BICD2: variants seen among roughly 807,000 people sequenced by gnomAD.
BICD2 encodes the protein BICD cargo adaptor 2.
A neutral mutation model predicts 72.9 loss-of-function variants in BICD2; 25 were observed. The ratio of observed to expected loss-of-function variants is 0.34; its 90% CI spans 0.25 to 0.48. BICD2 has a LOEUF of 0.48. Ranked by LOEUF, BICD2 falls within the 20% of genes least tolerant of loss-of-function variation. The pLI is 0.99. For missense variants in BICD2, 894 were observed against 1,175.2 expected (o/e 0.76, Z 3.50); for synonymous variants, 501 against 516.1 (o/e 0.97, Z 0.40).
At chr9:92,719,719 T>A in intron 4 of BICD2, 137 bp from the exon 5 acceptor site, 1 of 848,840 alleles carries the variant, frequency 1.2e-6, no homozygotes, top group Non-Finnish European at 1.8e-6. Flanking sequence ...GGCCATGCTG[T>A]CAGTGAGGTG....
Position 92,718,126 on chromosome 9 carries a change from G to A in BICD2, c.2107-178C>T, listed in dbSNP as rs117206493. 1.0e-3 allele frequency among the ~76,000 whole-genome samples: 156 copies of A among 152,308 alleles called. 1 individual carries two copies. Among genetic ancestry groups the A allele is most frequent in the Middle Eastern group, 0.01 (3 of 294 alleles). On this transcript the variant is annotated intron_variant, in intron 5 of 6. Transcript: ENST00000356884. The stretch of plus-strand genomic sequence containing the variant: ...TGGACTCCAGCAGCTACGCCATGGG[G>A]AGTCCCACCTGCTGATTCTGACTGG...
At chr9:92,748,937 A>G (rs906105853) in intron 1 of BICD2, among the ~76,000 whole-genome samples, 1 of 151,840 alleles carries the variant, frequency 6.6e-6, no homozygotes, top group Non-Finnish European at 1.5e-5. Context: ...TCCAAAATCC[A>G]TTTTTCTTCT....
At chr9:92,728,677 A>G (rs1853616757) in intron 2 of BICD2, among the ~76,000 whole-genome samples, 1 of 152,222 alleles carries the variant, frequency 6.6e-6, no homozygotes, top group Non-Finnish European at 1.5e-5. Context: ...TCCAATGACG[A>G]GGAGTGCCCC....
chr9:92,747,562 G>C (rs1854040519), intron 1 of BICD2, among the ~76,000 whole-genome samples: 1 of 152,174 alleles, frequency 6.6e-6, no homozygotes, highest in Admixed American at 6.5e-5. Flanking sequence ...TCCAGCAGCT[G>C]TCCCAGGACA....
intron 1 of BICD2, among the ~76,000 whole-genome samples, chr9:92,756,428 A>AT (rs1359510299): frequency 6.6e-6 from 1 of 151,602 alleles, no homozygotes; most frequent in Admixed American, 6.6e-5. Context: ...AGCCCGGCTA[A>AT]TTTTTTGTAT....
At chr9:92,751,143 G>GT (rs1854141395) in intron 1 of BICD2, among the ~76,000 whole-genome samples, 1 of 131,782 alleles carries the variant, frequency 7.6e-6, no homozygotes, top group Admixed American at 7.5e-5. Flanking sequence ...TTTTGTTGTT[G>GT]TTGTTGTTGT....
rs532455136 is a variant in BICD2, at chr9:92,713,561, G to A, written c.*1593C>T. ...CCACGTGCTGGGAGGGCGCGAGCAC[G>A]TTAGTTGGCAGAAGAGAAGACCTGC... On this transcript the variant is annotated 3_prime_UTR_variant, in exon 7 of 7. Coordinates refer to ENST00000356884, the MANE Select transcript of BICD2 (RefSeq NM_001003800.2). The A allele has an allele frequency of 2.6e-4, 404 of 1,546,288 alleles. 4 individuals are homozygous for A. In the South Asian group the frequency reaches 3.4e-3, roughly 13 times the overall value.
intron 1 of BICD2, among the ~76,000 whole-genome samples, chr9:92,755,732 C>T (rs1854240861): frequency 6.6e-6 from 1 of 152,202 alleles, no homozygotes; most frequent in African/African-American, 2.4e-5. Context: ...CCTTACACCC[C>T]AGCATGTTGT....
At position 92,748,938 on chromosome 9, in the gene BICD2, T is replaced by C. The variant is rs536253561; in HGVS notation, c.240+15567A>G. 1.2e-4 allele frequency among the ~76,000 whole-genome samples: 19 copies of C among 152,122 alleles called. No individual in the cohort carries two copies. In the South Asian group the frequency reaches 3.5e-3, roughly 28 times the overall value. ...ATAAGGCTTCTCACTCCAAAATCCA[T>C]TTTTCTTCTTTGCAGCAGGGTGGTT... On this transcript the variant is annotated intron_variant, in intron 1 of 6. Coordinates refer to ENST00000356884, the MANE Select transcript of BICD2 (RefSeq NM_001003800.2).
intron 1 of BICD2, among the ~76,000 whole-genome samples, chr9:92,734,948 C>T (rs1439073246): frequency 1.3e-5 from 2 of 152,212 alleles, no homozygotes; most frequent in Non-Finnish European, 2.9e-5. Flanking sequence ...AAGTTCCTAC[C>T]CTCCTGGCCC....
At chr9:92,747,956 C>A (rs2131527721) in intron 1 of BICD2, among the ~76,000 whole-genome samples, 1 of 152,286 alleles carries the variant, frequency 6.6e-6, no homozygotes, top group African/African-American at 2.4e-5. Flanking sequence ...AAGGGCATAG[C>A]CAGATGCTGG....
chr9:92,747,206 G>C (rs991583502), intron 1 of BICD2, among the ~76,000 whole-genome samples: 6 of 152,148 alleles, frequency 3.9e-5, no homozygotes, highest in Non-Finnish European at 8.8e-5. Context: ...ATGTCACCGG[G>C]GGCCAAGAGG....
At chr9:92,750,764 T>C (rs1854130028) in intron 1 of BICD2, among the ~76,000 whole-genome samples, 1 of 152,198 alleles carries the variant, frequency 6.6e-6, no homozygotes, top group African/African-American at 2.4e-5. Context: ...TATTAGTATG[T>C]GAATTGTTTT....
intron 1 of BICD2, among the ~76,000 whole-genome samples, chr9:92,734,317 T>A (rs904477025): frequency 1.4e-4 from 22 of 151,908 alleles, no homozygotes; most frequent in African/African-American, 5.3e-4. Flanking sequence ...TTCGAGACCA[T>A]CCTGGCCAAC....
At chr9:92,728,407 A>T (rs533058279) in intron 2 of BICD2, among the ~76,000 whole-genome samples, 2 of 152,280 alleles carry the variant, frequency 1.3e-5, no homozygotes, top group Middle Eastern at 3.4e-3. Flanking sequence ...CCATGTACCA[A>T]TGGCTGTCCA....
Position 92,730,658 on chromosome 9 carries a change from TTGTG to T in BICD2, c.241-1426_241-1423del, listed in dbSNP as rs200208860. Among the ~76,000 whole-genome samples the T allele has an allele frequency of 6.6e-5, 10 of 152,202 alleles. No individual in the cohort carries two copies. In the South Asian group the frequency reaches 1.5e-3, roughly 22 times the overall value. On this transcript the variant is annotated intron_variant, in intron 1 of 6. Transcript: ENST00000356884. ...GGTGACATGTGCTGTGATGTATGTGTTGTGTGTGTGTGTCTCGTGGTGTTGCGGG... is the reference window on the plus strand; with the variant it reads ...GGTGACATGTGCTGTGATGTATGTGTTGTGTGTGTCTCGTGGTGTTGCGGG...
intron 1 of BICD2, among the ~76,000 whole-genome samples, chr9:92,737,114 A>G (rs552681262): frequency 2.0e-4 from 31 of 152,072 alleles, no homozygotes; most frequent in African/African-American, 7.2e-4. Flanking sequence ...CCCTGCTAGC[A>G]CCTCTGAAAT....
rs2131500960 is a variant in BICD2, at chr9:92,719,321, C to A, written c.1324G>T (p.Ala442Ser). Residue 442 changes from alanine (A) to serine (S), a missense_variant, in exon 5 of 7, where the codon GCT (alanine) becomes TCT (serine). This residue lies in a region of BICD2 where 371 missense variants were observed against 439.1 expected (regional missense o/e 0.84). Transcript: ENST00000356884. ...PEILACKYHV[A>S]VAEAGELREQ... is the part of the protein sequence containing the mutation. ...CGGAGCTCGCCAGCCTCAGCCACAG[C>A]CACATGGTACTTGCAGGCCAAGATC... 1.2e-6 allele frequency: 2 copies of A among 1,614,174 alleles called. No homozygotes were observed. Among genetic ancestry groups the A allele is most frequent in the Non-Finnish European group, 1.7e-6 (2 of 1,180,028 alleles).
chr9:92,734,513 CAAAAAAA>C (rs34489248), intron 1 of BICD2, among the ~76,000 whole-genome samples: 1 of 106,954 alleles, frequency 9.3e-6, no homozygotes, highest in African/African-American at 3.9e-5. Context: ...GACCCTGTCT[CAAAAAAA>C]AAAAAAAAAA....
Sources: gnomAD v4.1 joint callset for allele counts (sites outside exome capture counted in the v4.1 genomes callset) on GRCh38, gnomAD v4.1.1 for gene constraint, gnomAD v4.1.1 regional missense constraint, MANE v1.5 for transcripts, NCBI Gene and HGNC (gene_info 2026-07-23, HGNC 2026-07-21) for gene names.